Variants in KIAA1217 observed in about 807,000 individuals in gnomAD.
The protein encoded by KIAA1217 is KIAA1217.
KIAA1217 carries 88 observed loss-of-function variants against 163.9 expected under a neutral mutation model. That is an observed-to-expected ratio of 0.54 (90% CI 0.45 to 0.64). The LOEUF is 0.64. Among genes scored for constraint, KIAA1217 ranks in the 30% least tolerant of loss-of-function variants. The pLI is 0.00. For missense variants in KIAA1217, 2,372 were observed against 2,475.0 expected (o/e 0.96, Z 0.88); for synonymous variants, 903 against 923.1 (o/e 0.98, Z 0.39).
chr10:23,964,219 A>G (rs995721060), intron 1 of KIAA1217, among the ~76,000 whole-genome samples: 30 of 150,532 alleles, frequency 2.0e-4, no homozygotes, highest in African/African-American at 7.1e-4. Context: ...TGTTTTTCAT[A>G]TGTTTGTTGG....
intron 2 of KIAA1217, among the ~76,000 whole-genome samples, chr10:24,152,449 G>A (rs920621875): frequency 1.3e-5 from 2 of 152,112 alleles, no homozygotes; most frequent in African/African-American, 4.8e-5. Context: ...TATTTGTCAT[G>A]TGTCCAAACT....
intron 1 of KIAA1217, among the ~76,000 whole-genome samples, chr10:24,211,546 TATTG>T (rs773993643): frequency 0.025 from 2,124 of 85,522 alleles, 112 homozygotes; most frequent in African/African-American, 0.089. Flanking sequence ...TATTGTATTG[TATTG>T]TATTGTATTG....
intron 2 of KIAA1217, among the ~76,000 whole-genome samples, chr10:24,266,147 T>C (rs1352815708): frequency 6.6e-6 from 1 of 151,712 alleles, no homozygotes; most frequent in African/African-American, 2.4e-5. Flanking sequence ...GGTGCAATCT[T>C]AGCTCACTGC....
At chr10:24,121,931 A>G (rs1342924350) in intron 2 of KIAA1217, among the ~76,000 whole-genome samples, 6 of 152,158 alleles carry the variant, frequency 3.9e-5, no homozygotes, top group Non-Finnish European at 5.9e-5. Flanking sequence ...TGGGTGTGTT[A>G]GATACAGACA....
intron 1 of KIAA1217, among the ~76,000 whole-genome samples, chr10:23,763,496 A>G (rs1255623810): frequency 2.0e-5 from 3 of 152,174 alleles, no homozygotes; most frequent in Non-Finnish European, 4.4e-5. Context: ...AAACCCCACA[A>G]AAACAAGCAT....
intron 1 of KIAA1217, among the ~76,000 whole-genome samples, chr10:23,968,795 G>A (rs1003950576): frequency 6.6e-6 from 1 of 152,154 alleles, no homozygotes; most frequent in Non-Finnish European, 1.5e-5. Flanking sequence ...TATGTAGCAA[G>A]TATCAATACT....
At chr10:24,519,878 G>C (rs1006308758) in intron 10 of KIAA1217, among the ~76,000 whole-genome samples, 2 of 151,942 alleles carry the variant, frequency 1.3e-5, no homozygotes, top group Non-Finnish European at 2.9e-5. Context: ...AGGCACAATC[G>C]TCCCTTTGGC....
intron 3 of KIAA1217, among the ~76,000 whole-genome samples, chr10:24,385,336 G>A (rs3858211): frequency 0.54 from 82,251 of 152,112 alleles, 25,877 homozygotes; most frequent in African/African-American, 0.88. Context: ...GGTGCATTTC[G>A]CAAATGGTGT....
At chr10:23,934,925 T>G (rs1843460364) in intron 1 of KIAA1217, among the ~76,000 whole-genome samples, 1 of 151,800 alleles carries the variant, frequency 6.6e-6, no homozygotes, top group Non-Finnish European at 1.5e-5. Flanking sequence ...CCAAAGTATA[T>G]TTTTTTAAAG....
At chr10:24,353,790 G>T (rs1220440204) in intron 2 of KIAA1217, among the ~76,000 whole-genome samples, 1 of 152,162 alleles carries the variant, frequency 6.6e-6, no homozygotes, top group African/African-American at 2.4e-5. Flanking sequence ...TTAATTCATT[G>T]TAATTAGAGG....
At chr10:23,938,447 G>C (rs1447685226) in intron 1 of KIAA1217, among the ~76,000 whole-genome samples, 1 of 151,938 alleles carries the variant, frequency 6.6e-6, no homozygotes, top group Non-Finnish European at 1.5e-5. Flanking sequence ...CTCTATGTCT[G>C]TGCATTCTGC....
chr10:24,461,040 G>T (rs1411867215), intron 5 of KIAA1217, among the ~76,000 whole-genome samples: 1 of 152,094 alleles, frequency 6.6e-6, no homozygotes, highest in African/African-American at 2.4e-5. Context: ...ACGAATAAAT[G>T]GCCATATGGT....
intron 3 of KIAA1217, among the ~76,000 whole-genome samples, chr10:24,420,216 G>A (rs2058621667): frequency 6.6e-6 from 1 of 152,258 alleles, no homozygotes; most frequent in African/African-American, 2.4e-5. Flanking sequence ...ACTTGAGGCT[G>A]TTATATTTTC....
At chr10:23,989,912 G>A (rs565501580) in intron 1 of KIAA1217, among the ~76,000 whole-genome samples, 2 of 152,182 alleles carry the variant, frequency 1.3e-5, no homozygotes, top group Non-Finnish European at 2.9e-5. Flanking sequence ...AAAAAAAGAG[G>A]TGACCATTCT....
rs186367528 is a variant in KIAA1217, at chr10:24,140,838, A to G, written c.-170-78788A>G. ...ATTAGAATTTGCAAATAGTGATCCT[A>G]TTGTCTCCTTTGCAATCATTATATC... On this transcript the variant is annotated intron_variant, in intron 2 of 18. Coordinates refer to the KIAA1217 transcript ENST00000376462. 2.6e-5 allele frequency among the ~76,000 whole-genome samples: 4 copies of G among 152,178 alleles called. No individual in the cohort carries two copies. The East Asian group carries it at 7.7e-4, about 29-fold the overall frequency.
chr10:24,273,251 TA>T (rs1195615586), intron 2 of KIAA1217, among the ~76,000 whole-genome samples: 1 of 152,184 alleles, frequency 6.6e-6, no homozygotes, highest in Non-Finnish European at 1.5e-5. Flanking sequence ...AGACTCTTAT[TA>T]ACATTTGCAA....
intron 1 of KIAA1217, among the ~76,000 whole-genome samples, chr10:23,967,641 A>G (rs534078336): frequency 1.9e-4 from 29 of 152,306 alleles, no homozygotes; most frequent in Non-Finnish European, 3.4e-4. Context: ...GTAGAAGTGT[A>G]AATACAAACA....
At chr10:23,842,410 C>T (rs898421490) in intron 1 of KIAA1217, among the ~76,000 whole-genome samples, 3 of 151,916 alleles carry the variant, frequency 2.0e-5, no homozygotes, top group Admixed American at 1.3e-4. Context: ...ACAGATAAGT[C>T]GGAAAAAAAG....
intron 5 of KIAA1217, among the ~76,000 whole-genome samples, chr10:24,463,376 A>G (rs1292137950): frequency 6.6e-6 from 1 of 152,244 alleles, no homozygotes; most frequent in Non-Finnish European, 1.5e-5. Flanking sequence ...AAATATAGCC[A>G]TAAGCTAACC....
Sources: gnomAD v4.1 joint callset for allele counts (sites outside exome capture counted in the v4.1 genomes callset) on GRCh38, gnomAD v4.1.1 for gene constraint, MANE v1.5 for transcripts, NCBI Gene and HGNC (gene_info 2026-07-23, HGNC 2026-07-21) for gene names.